The following SOCS2 variants were observed in gnomAD, a reference collection of about 807,000 sequenced individuals.
SOCS2 encodes the protein suppressor of cytokine signaling 2.
SOCS2 carries 10 observed loss-of-function variants against 18.6 expected under a neutral mutation model. That is an observed-to-expected ratio of 0.54 (90% CI 0.33 to 0.91). SOCS2 has a LOEUF of 0.91. SOCS2 is among the 40% of genes least tolerant of loss of function. The probability of loss-of-function intolerance (pLI) is 0.02; values close to 1 mark genes in which losing one functional copy is unlikely to be tolerated. For synonymous variants in SOCS2, 104 were observed against 104.0 expected, an observed-to-expected ratio of 1.00 and a Z score of 0.00; for missense variants, 231 against 247.2, an observed-to-expected ratio of 0.93 and a Z score of 0.44.
In SOCS2 at chr12:93,575,845, G is replaced by T. The variant is rs895669017; in HGVS notation, c.*666G>T. The T allele has an allele frequency of 6.6e-6, 1 of 152,524 alleles. No homozygotes were observed. The highest frequency in any genetic ancestry group is 2.4e-5 in the African/African-American group (1 of 41,404). 9.4% of individuals were successfully genotyped at this position (152,524 alleles called of 1,614,324 possible). ...CTTATTTCAGAAATATTTCAAACTG[G>T]TGCAAATGGAAAAGACTTTCTCTTT... On this transcript the variant is annotated 3_prime_UTR_variant, in exon 2 of 2. Transcript: ENST00000551556.
chr12:93,573,102 C>T (rs757540291), intron 1 of SOCS2, 66 bp downstream of exon 1: 1 of 1,530,650 alleles, frequency 6.5e-7, no homozygotes, highest in Non-Finnish European at 8.8e-7. Context: ...AGCTAGGAAG[C>T]GGGGTCGAGG....
the SOCS2 span, among the ~76,000 whole-genome samples, chr12:93,617,272 T>C: frequency 7.9e-5 from 12 of 152,156 alleles, no homozygotes; most frequent in Non-Finnish European, 1.8e-4. Flanking sequence ...CAATCTGCTT[T>C]CTCCTGATTT....
chr12:93,593,040 T>C, the SOCS2 span, among the ~76,000 whole-genome samples: 1 of 151,988 alleles, frequency 6.6e-6, no homozygotes, highest in Admixed American at 6.6e-5. Flanking sequence ...TCTGTCCCCT[T>C]ATCCTGGTTT....
downstream of SOCS2, among the ~76,000 whole-genome samples, chr12:93,577,533 T>C (rs563379304): frequency 8.8e-3 from 1,336 of 151,486 alleles, 11 homozygotes; most frequent in Non-Finnish European, 0.01. Context: ...TTTTTTTTTT[T>C]TCCCCCGGGA....
chr12:93,573,380 G>C (rs1212444492), intron 1 of SOCS2: 1 of 483,942 alleles, frequency 2.1e-6, no homozygotes, highest in Admixed American at 3.9e-5. Flanking sequence ...CCTTTGCACG[G>C]GGTGCAATCA....
downstream of SOCS2, among the ~76,000 whole-genome samples, chr12:93,580,618 C>CAAAAAAAAAAAAAAAAA (rs35305411): frequency 1.4e-5 from 1 of 73,150 alleles, no homozygotes; most frequent in Non-Finnish European, 2.8e-5. Context: ...GAGACTGTCT[C>CAAAAAAAAAAAAAAAAA]AAAAAAAAAA....
At chr12:93,612,648 G>A in the SOCS2 span, among the ~76,000 whole-genome samples, 6 of 152,144 alleles carry the variant, frequency 3.9e-5, no homozygotes, top group Admixed American at 3.9e-4. Flanking sequence ...AACATAGGGA[G>A]GAATTGTATT....
chr12:93,624,553 G>A, the SOCS2 span, among the ~76,000 whole-genome samples: 3 of 147,810 alleles, frequency 2.0e-5, no homozygotes, highest in Non-Finnish European at 3.0e-5. Flanking sequence ...CCTGGCAACA[G>A]AGAGAGACTC....
At chr12:93,603,855 T>G in the SOCS2 span, among the ~76,000 whole-genome samples, 1 of 152,182 alleles carries the variant, frequency 6.6e-6, no homozygotes, top group Non-Finnish European at 1.5e-5. Flanking sequence ...TTGGGCTGAT[T>G]GCTTTAGCAG....
the SOCS2 span, among the ~76,000 whole-genome samples, chr12:93,622,285 C>A: frequency 6.6e-6 from 1 of 152,170 alleles, no homozygotes. Context: ...TGATAGAAGA[C>A]CCAACTAATA....
chr12:93,595,736 G>A, the SOCS2 span, among the ~76,000 whole-genome samples: 1 of 152,076 alleles, frequency 6.6e-6, no homozygotes, highest in Non-Finnish European at 1.5e-5. Context: ...TTTGTGTTTG[G>A]TTAATCTAAT....
At chr12:93,595,581 A>G in the SOCS2 span, among the ~76,000 whole-genome samples, 2 of 152,218 alleles carry the variant, frequency 1.3e-5, no homozygotes, top group African/African-American at 4.8e-5. Context: ...TCACAGATTA[A>G]ATCTGCTTTC....
the SOCS2 span, among the ~76,000 whole-genome samples, chr12:93,614,540 C>CTTCT: frequency 1.1e-3 from 42 of 37,140 alleles, 2 homozygotes; most frequent in East Asian, 4.7e-3. Flanking sequence ...TCCTTCCTTC[C>CTTCT]TTCTTTCTTT....
At chr12:93,602,154 G>A in the SOCS2 span, among the ~76,000 whole-genome samples, 4 of 152,122 alleles carry the variant, frequency 2.6e-5, no homozygotes, top group African/African-American at 7.2e-5. Context: ...GTGCAGTGGC[G>A]CGATCACAGC....
At chr12:93,584,742 A>G (rs1954573567), downstream of SOCS2, among the ~76,000 whole-genome samples, 1 of 152,030 alleles carries the variant, frequency 6.6e-6, no homozygotes, top group South Asian at 2.1e-4. Context: ...AGTCCCTGAC[A>G]TCTGAATTTA....
the SOCS2 span, among the ~76,000 whole-genome samples, chr12:93,625,277 T>C: frequency 2.6e-5 from 4 of 152,190 alleles, no homozygotes; most frequent in African/African-American, 7.2e-5. Context: ...ATTAAAATGC[T>C]AAAAAAAGTT....
At chr12:93,617,191 AG>A in the SOCS2 span, among the ~76,000 whole-genome samples, 2 of 152,220 alleles carry the variant, frequency 1.3e-5, no homozygotes, top group South Asian at 4.1e-4. Context: ...TGCAATAAGC[AG>A]GAACAGAAAT....
At chr12:93,591,658 G>A in the SOCS2 span, among the ~76,000 whole-genome samples, 80 of 152,238 alleles carry the variant, frequency 5.3e-4, no homozygotes, top group African/African-American at 1.6e-3. Context: ...GTGGCGTGGC[G>A]GCTCCTCCCA....
the SOCS2 span, among the ~76,000 whole-genome samples, chr12:93,617,110 C>T: frequency 1.3e-5 from 2 of 152,194 alleles, no homozygotes; most frequent in East Asian, 3.8e-4. Flanking sequence ...CTGTGATATG[C>T]TAAGCAGACT....
Sources: gnomAD v4.1 joint callset for allele counts (sites outside exome capture counted in the v4.1 genomes callset) on GRCh38, gnomAD v4.1.1 for gene constraint, MANE v1.5 for transcripts, NCBI Gene and HGNC (gene_info 2026-07-23, HGNC 2026-07-21) for gene names.